Variants in FUBP3 observed in about 807,000 individuals in gnomAD.
FUBP3 encodes far upstream element binding protein 3.
In FUBP3, 28 loss-of-function variants were observed where a neutral mutation model predicts 85.6. The observed-to-expected ratio is 0.33, with a 90% CI of 0.24 to 0.45. The LOEUF is 0.45. Ranked by LOEUF, FUBP3 falls within the 20% of genes least tolerant of loss-of-function variation. FUBP3 has a pLI of 1.00. For synonymous variants in FUBP3, 271 were observed against 271.4 expected (o/e 1.00, Z 0.01); for missense variants, 583 against 755.1 (o/e 0.77, Z 2.67).
intron 1 of FUBP3, among the ~76,000 whole-genome samples, chr9:130,593,895 G>A (rs942590222): frequency 6.6e-6 from 1 of 152,164 alleles, no homozygotes; most frequent in Non-Finnish European, 1.5e-5. Flanking sequence ...TAAGTAAGAA[G>A]TTCTGCATAC....
chr9:130,618,601 G>A (rs766516733), intron 8 of FUBP3, among the ~76,000 whole-genome samples: 72 of 152,212 alleles, frequency 4.7e-4, no homozygotes, highest in Non-Finnish European at 2.6e-4. Context: ...TAGGGTTTTT[G>A]TCTGTCCTCA....
In FUBP3 at chr9:130,636,084, T is replaced by G; in HGVS notation, c.1668T>G (p.Ala556=). ...AWAEYYRQQV[A]FYGQTLGQAQ... ...CAGAATATTACAGACAGCAGGTCGC[T>G]TTCTACGGACAGACGTTAGGGCAGG... is the stretch of plus-strand genomic sequence containing the variant. The change falls in exon 18 of 19, where the codon GCT becomes GCG. Residue 556 remains alanine (A), a synonymous_variant. Coordinates refer to ENST00000319725, the MANE Select transcript of FUBP3 (RefSeq NM_003934.2). The G allele has an allele frequency of 6.2e-7, 1 of 1,613,908 alleles. No individual in the cohort carries two copies. Among genetic ancestry groups the G allele is most frequent in the Non-Finnish European group, 8.5e-7 (1 of 1,179,972 alleles).
chr9:130,592,092 C>CA (rs1330977576), intron 1 of FUBP3, among the ~76,000 whole-genome samples: 1 of 152,090 alleles, frequency 6.6e-6, no homozygotes. Flanking sequence ...ATGAGCTAGG[C>CA]ATGGTGGCAC....
intron 1 of FUBP3, among the ~76,000 whole-genome samples, chr9:130,595,095 G>A (rs918299329): frequency 6.6e-6 from 1 of 151,744 alleles, no homozygotes; most frequent in African/African-American, 2.4e-5. Flanking sequence ...GCGTGGTGGC[G>A]CATGCCTGTA....
intron 14 of FUBP3, 37 bp downstream of exon 14, chr9:130,631,667 A>T (rs750627743): frequency 6.7e-7 from 1 of 1,498,102 alleles, no homozygotes; most frequent in Non-Finnish European, 9.3e-7. Flanking sequence ...GGGAGAATTC[A>T]CTCGCTCCCC....
intron 2 of FUBP3, among the ~76,000 whole-genome samples, chr9:130,607,484 A>C (rs1323949381): frequency 1.3e-5 from 2 of 152,124 alleles, no homozygotes; most frequent in Non-Finnish European, 1.5e-5. Flanking sequence ...AGCACACACC[A>C]TTAGTGGAAA....
chr9:130,602,794 C>T (rs1831220184), intron 2 of FUBP3, among the ~76,000 whole-genome samples: 1 of 152,044 alleles, frequency 6.6e-6, no homozygotes, highest in Non-Finnish European at 1.5e-5. Context: ...TTTCCAGGGG[C>T]GGTGGACATG....
intron 2 of FUBP3, among the ~76,000 whole-genome samples, chr9:130,596,282 A>G (rs901206564): frequency 4.6e-5 from 7 of 152,168 alleles, no homozygotes; most frequent in African/African-American, 1.7e-4. Flanking sequence ...CTAGATTGAC[A>G]TGAATTTGCA....
At chr9:130,631,055 A>T in intron 13 of FUBP3, 2 of 893,464 alleles carry the variant, frequency 2.2e-6, no homozygotes, top group Non-Finnish European at 2.9e-6. Context: ...CTGCGGGCTT[A>T]GATGAGCGGC....
intron 1 of FUBP3, among the ~76,000 whole-genome samples, chr9:130,589,134 G>A (rs895755323): frequency 1.3e-5 from 2 of 151,968 alleles, no homozygotes; most frequent in Admixed American, 1.3e-4. Context: ...GAAGTTGTGG[G>A]GCTATGTGCA....
intron 2 of FUBP3, among the ~76,000 whole-genome samples, chr9:130,595,796 G>A (rs1313788004): frequency 1.3e-5 from 2 of 152,130 alleles, no homozygotes; most frequent in Non-Finnish European, 2.9e-5. Context: ...CTTTTCGCTG[G>A]GCTCTGAGAT....
intron 2 of FUBP3, among the ~76,000 whole-genome samples, chr9:130,602,519 G>A (rs1231567671): frequency 1.3e-5 from 2 of 152,032 alleles, no homozygotes; most frequent in Admixed American, 6.6e-5. Context: ...CATGATGCCC[G>A]GACCCCTGCC....
chr9:130,618,584 G>A (rs1307506215), intron 8 of FUBP3, among the ~76,000 whole-genome samples: 2 of 152,238 alleles, frequency 1.3e-5, no homozygotes, highest in Non-Finnish European at 2.9e-5. Flanking sequence ...CAAGTGGGCG[G>A]AGGGTGTAGG....
chr9:130,598,545 G>T (rs1442121323), intron 2 of FUBP3, among the ~76,000 whole-genome samples: 1 of 152,220 alleles, frequency 6.6e-6, no homozygotes, highest in Admixed American at 6.5e-5. Context: ...CCTCGAAAAG[G>T]TAAAGAGGTT....
chr9:130,593,618 G>A (rs7022046), intron 1 of FUBP3, among the ~76,000 whole-genome samples: 10,626 of 152,252 alleles, frequency 0.07, 469 homozygotes, highest in African/African-American at 0.13. Context: ...TATCATGATT[G>A]TCTTTGGTTG....
chr9:130,620,154 A>G (rs1829687649), intron 8 of FUBP3, among the ~76,000 whole-genome samples, 200 bp from the exon 9 acceptor site: 1 of 152,184 alleles, frequency 6.6e-6, no homozygotes, highest in African/African-American at 2.4e-5. Context: ...CCGTGTGGAC[A>G]TTTGGGCAGT....
Position 130,612,517 on chromosome 9 carries a change from T to C in FUBP3, c.274+12T>C, listed in dbSNP as rs2119072284. The stretch of plus-strand genomic sequence containing the variant: ...AATGGTTGGATTTAGTAAGTATCCA[T>C]GTTGTCTACTTTTTCCCTGATTCCT... On this transcript the variant is annotated intron_variant, in intron 4 of 18. Transcript: ENST00000319725. The surrounding 1 kb of genome is among the most constrained non-coding windows in gnomAD (Gnocchi z 4.1). 6.6e-7 allele frequency: 1 copy of C among 1,513,192 alleles called. No homozygotes were observed. Among genetic ancestry groups the C allele is most frequent in the Non-Finnish European group, 9.2e-7 (1 of 1,089,680 alleles). 93.7% of individuals were successfully genotyped at this position (1,513,192 alleles called of 1,614,324 possible).
intron 12 of FUBP3, among the ~76,000 whole-genome samples, chr9:130,629,090 C>T (rs1360211213): frequency 6.6e-6 from 1 of 152,128 alleles, no homozygotes. Context: ...CTTTATTGCT[C>T]CCCAAAAAAC....
chr9:130,611,229 A>T (rs1479177347), intron 3 of FUBP3, among the ~76,000 whole-genome samples: 1 of 152,226 alleles, frequency 6.6e-6, no homozygotes, highest in Admixed American at 6.5e-5. Context: ...TGGTGTGAGC[A>T]GCAGCCTCCT....
Sources: gnomAD v4.1 joint callset for allele counts (sites outside exome capture counted in the v4.1 genomes callset) on GRCh38, gnomAD v4.1.1 for gene constraint, Gnocchi (gnomAD v3.1) non-coding constraint, MANE v1.5 for transcripts, NCBI Gene and HGNC (gene_info 2026-07-23, HGNC 2026-07-21) for gene names.